Variants in PHEX observed in about 807,000 individuals in gnomAD.
PHEX encodes the protein phosphate-regulating neutral endopeptidase PHEX.
Under a neutral mutation model 68.0 loss-of-function variants are expected in PHEX, and 16 were observed. The observed-to-expected ratio is 0.24, with a 90% CI of 0.16 to 0.36. The LOEUF (loss-of-function observed/expected upper bound fraction) is 0.36. PHEX is among the 10% of genes least tolerant of loss of function. The pLI is 1.00. For synonymous variants in PHEX, 208 were observed against 205.1 expected (o/e 1.01, Z -0.12); for missense variants, 480 against 575.5 (o/e 0.83, Z 1.70).
At chrX:22,204,531 T>C (rs1481090868) in intron 15 of PHEX, among the ~76,000 whole-genome samples, 1 of 112,104 alleles carries the variant, frequency 8.9e-6, no homozygotes, top group Non-Finnish European at 1.9e-5. Context: ...CCTCACTAGA[T>C]TGTAGGTTCT....
chrX:22,087,811 C>A (rs1044750288), intron 5 of PHEX, among the ~76,000 whole-genome samples: 1 of 112,120 alleles, frequency 8.9e-6, no homozygotes, highest in African/African-American at 3.2e-5. Context: ...GAAAAATCTA[C>A]TCTTCTTGAG....
intron 1 of PHEX, 134 bp downstream of exon 1, chrX:22,033,257 TC>T (rs1379543673): frequency 3.9e-6 from 2 of 510,474 alleles, no homozygotes; most frequent in African/African-American, 4.7e-5. Context: ...ATCTTTAGTT[TC>T]TATCAAATAT....
intron 9 of PHEX, among the ~76,000 whole-genome samples, chrX:22,104,516 C>T (rs754088752): frequency 4.5e-5 from 5 of 111,545 alleles, no homozygotes; most frequent in Non-Finnish European, 5.7e-5. Context: ...ACTACATGTT[C>T]GGTGATCTCA....
intron 6 of PHEX, 24 bp downstream of exon 6, chrX:22,090,521 A>G (rs199881071): frequency 4.9e-5 from 53 of 1,089,649 alleles, no homozygotes; most frequent in Non-Finnish European, 6.5e-5. Flanking sequence ...ATATTCAACT[A>G]TGTGCCTTAC....
At chrX:22,064,203 T>C (rs1391940749) in intron 3 of PHEX, among the ~76,000 whole-genome samples, 1 of 111,769 alleles carries the variant, frequency 8.9e-6, no homozygotes, top group South Asian at 3.7e-4. Context: ...GTAGGTAAAC[T>C]TGTGACTTGG....
intron 8 of PHEX, 28 bp downstream of exon 8, chrX:22,097,066 C>T (rs780651981): frequency 2.0e-6 from 2 of 989,838 alleles, no homozygotes; most frequent in East Asian, 3.0e-5. Flanking sequence ...AGAAAACTTT[C>T]TCTCAACTCA....
intron 12 of PHEX, among the ~76,000 whole-genome samples, chrX:22,154,199 G>A (rs1932904680): frequency 8.9e-6 from 1 of 111,810 alleles, no homozygotes; most frequent in Non-Finnish European, 1.9e-5. Context: ...TTAAAAAAAT[G>A]AGTGGGAGGG....
intron 14 of PHEX, among the ~76,000 whole-genome samples, chrX:22,183,228 C>T (rs960630521): frequency 1.8e-5 from 2 of 111,354 alleles, no homozygotes; most frequent in East Asian, 5.7e-4. Context: ...AGCCCCTGTG[C>T]TTTCCCTTGG....
intron 20 of PHEX, among the ~76,000 whole-genome samples, chrX:22,229,866 G>A (rs1348364168): frequency 8.9e-6 from 1 of 111,978 alleles, no homozygotes; most frequent in African/African-American, 3.2e-5. Context: ...GGATTTTTAT[G>A]GCTTTAGGTC....
intron 11 of PHEX, among the ~76,000 whole-genome samples, chrX:22,130,637 CTGA>C (rs1435280221): frequency 9.1e-6 from 1 of 110,118 alleles, no homozygotes; most frequent in Non-Finnish European, 1.9e-5. Context: ...TAACATCCTC[CTGA>C]TGTGGGTTTT....
intron 15 of PHEX, among the ~76,000 whole-genome samples, chrX:22,197,633 T>G: frequency 9.0e-6 from 1 of 111,216 alleles, no homozygotes; most frequent in Non-Finnish European, 1.9e-5. Context: ...CACGAGACAC[T>G]GATACAGAAC....
At chrX:22,230,229 CTTTTTTTTTTTTTTTTTTTTTTTTTT>C (rs140475343) in intron 20 of PHEX, among the ~76,000 whole-genome samples, 2 of 10,915 alleles carry the variant, frequency 1.8e-4, no homozygotes, top group Non-Finnish European at 3.6e-4. Flanking sequence ...TATATGGGCT[CTTTTTTTTTTTTTTTTTTTTTTTTTT>C]TTTTTTTGGT....
At chrX:22,065,828 TTC>T (rs750840924) in intron 3 of PHEX, among the ~76,000 whole-genome samples, 1 of 112,525 alleles carries the variant, frequency 8.9e-6, no homozygotes, top group Non-Finnish European at 1.9e-5. Context: ...CATTGTTTAT[TTC>T]TGTCTTTGCC....
chrX:22,128,548 A>G (rs1373101826), intron 11 of PHEX, among the ~76,000 whole-genome samples: 1 of 110,885 alleles, frequency 9.0e-6, no homozygotes, highest in East Asian at 2.8e-4. Context: ...ACAGGAGCAA[A>G]ATGACCTTAA....
chrX:22,131,910 C>T (rs984329775), intron 11 of PHEX, among the ~76,000 whole-genome samples: 2 of 110,817 alleles, frequency 1.8e-5, no homozygotes, highest in Non-Finnish European at 1.9e-5. Flanking sequence ...ACATTGCTGC[C>T]GGTGGCCTCT....
intron 11 of PHEX, among the ~76,000 whole-genome samples, chrX:22,131,577 A>T (rs188579390): frequency 8.8e-6 from 1 of 113,008 alleles, no homozygotes; most frequent in Admixed American, 9.3e-5. Flanking sequence ...GATGGAACCC[A>T]GCCCACTGAT....
chrX:22,038,547 A>G lies in PHEX; in HGVS notation c.187+10A>G. 1 of 1,117,766 alleles carries G rather than the reference A, an allele frequency of 8.9e-7. No individual in the cohort carries two copies. Among genetic ancestry groups the G allele is most frequent in the Admixed American group, 2.2e-5 (1 of 45,917 alleles). The allele number at this position is 1,117,766 out of a possible 1,213,427, so 92.1% of individuals were successfully genotyped here. ...GAATGCATCGAAGCGGGTAAGTCACAGTTTTCCATCCTGTGTCAAGTTATA... is the reference window on the plus strand; with the variant it reads ...GAATGCATCGAAGCGGGTAAGTCACGGTTTTCCATCCTGTGTCAAGTTATA... On this transcript the variant is annotated intron_variant, in intron 2 of 21. Coordinates refer to ENST00000379374, the MANE Select transcript of PHEX (RefSeq NM_000444.6).
At chrX:22,224,618 G>A (rs148329473) in intron 18 of PHEX, among the ~76,000 whole-genome samples, 7 of 110,873 alleles carry the variant, frequency 6.3e-5, no homozygotes, top group African/African-American at 1.3e-4. Flanking sequence ...CTACACTCTC[G>A]GAGCTTTAGA....
chrX:22,094,725 A>G (rs778266359), intron 7 of PHEX, among the ~76,000 whole-genome samples: 1 of 112,595 alleles, frequency 8.9e-6, no homozygotes, highest in South Asian at 3.7e-4. Flanking sequence ...TACATGACAC[A>G]GAACTACATG....
Sources: allele counts gnomAD v4.1 joint callset (sites outside exome capture counted in the v4.1 genomes callset), GRCh38; gene constraint gnomAD v4.1.1; transcripts MANE v1.5; gene names NCBI Gene and HGNC (gene_info 2026-07-23, HGNC 2026-07-21).